RSBN1L: variants seen among roughly 807,000 people sequenced by gnomAD.
RSBN1L encodes the protein lysine-specific demethylase RSBN1L.
A neutral mutation model predicts 67.7 loss-of-function variants in RSBN1L; 30 were observed. The observed-to-expected ratio is 0.44, with a 90% confidence interval of 0.33 to 0.60. The LOEUF (loss-of-function observed/expected upper bound fraction) is 0.60. Ranked by LOEUF, RSBN1L falls within the 20% of genes least tolerant of loss-of-function variation. The pLI, the probability that RSBN1L is intolerant of heterozygous loss-of-function variation, is 0.02. For synonymous variants in RSBN1L, 433 were observed against 387.0 expected (o/e 1.12, Z -1.39); for missense variants, 992 against 1,031.7 (o/e 0.96, Z 0.53).
intron 3 of RSBN1L, among the ~76,000 whole-genome samples, chr7:77,754,052 G>A (rs1791587648): frequency 6.6e-6 from 1 of 152,116 alleles, no homozygotes; most frequent in South Asian, 2.1e-4. Flanking sequence ...TTGATTGATT[G>A]ATAGATACAG....
At chr7:77,697,631 C>CCTA (rs1790757780) in intron 1 of RSBN1L, among the ~76,000 whole-genome samples, 1 of 152,086 alleles carries the variant, frequency 6.6e-6, no homozygotes, top group East Asian at 1.9e-4. Flanking sequence ...CTCCCTGCAC[C>CCTA]CTACTCTCCG....
At chr7:77,770,740 T>G (rs982998050) in intron 5 of RSBN1L, among the ~76,000 whole-genome samples, 4 of 152,208 alleles carry the variant, frequency 2.6e-5, no homozygotes, top group Non-Finnish European at 4.4e-5. Context: ...TGGATGGATA[T>G]TCATGACATT....
intron 4 of RSBN1L, among the ~76,000 whole-genome samples, chr7:77,767,030 C>CCCTTT (rs1331336852): frequency 1.4e-5 from 2 of 142,334 alleles, no homozygotes; most frequent in Admixed American, 1.4e-4. Flanking sequence ...CCTTCCCCTT[C>CCCTTT]CCTTTCCCCT....
At chr7:77,732,325 G>A (rs1296485098) in intron 1 of RSBN1L, among the ~76,000 whole-genome samples, 1 of 152,032 alleles carries the variant, frequency 6.6e-6, no homozygotes, top group African/African-American at 2.4e-5. Flanking sequence ...ATCTAGAAGT[G>A]GCTTTTTCTT....
In RSBN1L at chr7:77,769,473, T is replaced by C. The variant is rs764296430; in HGVS notation, c.1625+670T>C. Among the ~76,000 whole-genome samples the C allele has an allele frequency of 6.6e-5, 10 of 152,282 alleles. No individual in the cohort carries two copies. In the South Asian group the frequency reaches 8.3e-4, roughly 13 times the overall value. On this transcript the variant is annotated intron_variant, in intron 5 of 7. Transcript: ENST00000334955. ...TAAAAACAAAGGCAGAGCCCCTACC[T>C]CATACAAGAAGTAAATTAGAGAATT... is the stretch of plus-strand genomic sequence containing the variant.
chr7:77,724,375 A>G (rs544307230), intron 1 of RSBN1L, among the ~76,000 whole-genome samples: 1 of 151,910 alleles, frequency 6.6e-6, no homozygotes, highest in East Asian at 1.9e-4. Flanking sequence ...GAGTTAGGCT[A>G]CCAACTTGAT....
intron 6 of RSBN1L, among the ~76,000 whole-genome samples, chr7:77,777,793 GT>G (rs1471703707): frequency 6.6e-6 from 1 of 151,952 alleles, no homozygotes; most frequent in Non-Finnish European, 1.5e-5. Flanking sequence ...GAATTTGAGA[GT>G]TTTTTAGAAT....
intron 1 of RSBN1L, among the ~76,000 whole-genome samples, chr7:77,715,774 T>G (rs1369467282): frequency 6.6e-6 from 1 of 152,222 alleles, no homozygotes; most frequent in African/African-American, 2.4e-5. Context: ...AACTTGATAT[T>G]GCCAGTTTAA....
chr7:77,775,470 A>G (rs576062225), intron 6 of RSBN1L, among the ~76,000 whole-genome samples: 1 of 152,162 alleles, frequency 6.6e-6, no homozygotes, highest in Non-Finnish European at 1.5e-5. Context: ...TGGAGGTTGC[A>G]GTGAGCCGAG....
At chr7:77,726,687 G>A (rs775243125) in intron 1 of RSBN1L, among the ~76,000 whole-genome samples, 1 of 151,494 alleles carries the variant, frequency 6.6e-6, no homozygotes, top group Non-Finnish European at 1.5e-5. Flanking sequence ...TAGGTTCACC[G>A]CAACTTCTGC....
intron 1 of RSBN1L, among the ~76,000 whole-genome samples, chr7:77,709,276 G>A (rs1309015658): frequency 6.6e-6 from 1 of 151,774 alleles, no homozygotes; most frequent in Non-Finnish European, 1.5e-5. Context: ...GTGGCAGATA[G>A]CAGTAGTTAT....
At chr7:77,722,487 T>C (rs556658841) in intron 1 of RSBN1L, among the ~76,000 whole-genome samples, 4 of 152,294 alleles carry the variant, frequency 2.6e-5, no homozygotes, top group Admixed American at 2.6e-4. Context: ...AAAAAAGGGC[T>C]GAGAAGCCAC....
At chr7:77,719,157 C>G (rs1385931724) in intron 1 of RSBN1L, among the ~76,000 whole-genome samples, 8 of 152,158 alleles carry the variant, frequency 5.3e-5, no homozygotes, top group Admixed American at 5.2e-4. Flanking sequence ...CATTAGGGCA[C>G]ATAATGTATG....
chr7:77,778,884 A>G lies in RSBN1L; in HGVS notation c.2257A>G (p.Lys753Glu). The change falls in exon 8 of 8, where the codon AAA (lysine) becomes GAA (glutamate). Residue 753 changes from lysine (K) to glutamate (E), a missense_variant. Physicochemically the swap from Lys to Glu is moderately conservative, Grantham distance 56 (BLOSUM62 1). Coordinates refer to ENST00000334955, the MANE Select transcript of RSBN1L (RefSeq NM_198467.3). ...TTCTAAATATGAATTACAGCAGATT[A>G]AACATGAACCTATTGCATCTGTAAG... ...LHSKYELQQIKHEPIASVRIK... is the reference protein window; with the variant it reads ...LHSKYELQQIEHEPIASVRIK... 6.2e-7 allele frequency: 1 copy of G among 1,614,042 alleles called. No homozygotes were observed. Among genetic ancestry groups the G allele is most frequent in the East Asian group, 2.2e-5 (1 of 44,870 alleles).
chr7:77,716,798 T>G (rs892082745), intron 1 of RSBN1L, among the ~76,000 whole-genome samples: 1 of 151,644 alleles, frequency 6.6e-6, no homozygotes, highest in East Asian at 1.9e-4. Context: ...CGCCAGGCTA[T>G]TTTTTGTATT....
chr7:77,749,704 A>G lies in RSBN1L; in HGVS notation c.984A>G (p.Leu328=). The change falls in exon 3 of 8, where the codon TTA becomes TTG. Residue 328 remains leucine, a synonymous_variant. Transcript: ENST00000334955. ...ACAGTGAGTTTCCATTTGTCTCATT[A>G]AAGGAGCCACGAGTTCAGAATAACC... ...PENSEFPFVS[L]KEPRVQNNLK... 6.2e-7 allele frequency: 1 copy of G among 1,614,194 alleles called. No homozygotes were observed. The highest frequency in any genetic ancestry group is 8.5e-7 in the Non-Finnish European group (1 of 1,180,026).
intron 3 of RSBN1L, among the ~76,000 whole-genome samples, chr7:77,752,422 G>C (rs915814082): frequency 6.8e-6 from 1 of 147,780 alleles, no homozygotes; most frequent in Non-Finnish European, 1.5e-5. Context: ...TCTTATTCCT[G>C]TGAGTGGGGA....
chr7:77,780,642 A>G lies in RSBN1L; in HGVS notation c.*1474A>G, dbSNP rs1165828033. On this transcript the variant is annotated 3_prime_UTR_variant, in exon 8 of 8. Coordinates refer to ENST00000334955, the MANE Select transcript of RSBN1L (RefSeq NM_198467.3). ...AAATAAGGGCAATGACAATGACTCAACTGCCATATAGAGATATAATTAACA... is the reference window on the plus strand; with the variant it reads ...AAATAAGGGCAATGACAATGACTCAGCTGCCATATAGAGATATAATTAACA... The G allele has an allele frequency of 2.6e-5, 4 of 152,234 alleles. No individual in the cohort carries two copies. Among genetic ancestry groups the G allele is most frequent in the South Asian group, 2.1e-4 (1 of 4,832 alleles). The allele number at this position is 152,234 out of a possible 1,614,324, so 9.4% of individuals were successfully genotyped here.
rs557770617 is a variant in RSBN1L at position 77,755,987 on chromosome 7, A to G, written c.1344+5923A>G. ...TTTGTAATTCAGTAACTATCCTTCA[A>G]TTCCCTTTTCTGCCTTTTATATTCT... On this transcript the variant is annotated intron_variant, in intron 3 of 7. Coordinates refer to ENST00000334955, the MANE Select transcript of RSBN1L (RefSeq NM_198467.3). Among the ~76,000 whole-genome samples the G allele has an allele frequency of 1.1e-4, 16 of 152,284 alleles. No individual in the cohort carries two copies. The South Asian group carries it at 2.7e-3, about 26-fold the overall frequency.
Sources: allele counts gnomAD v4.1 joint callset (sites outside exome capture counted in the v4.1 genomes callset), GRCh38; gene constraint gnomAD v4.1.1; transcripts MANE v1.5; gene names NCBI Gene and HGNC (gene_info 2026-07-23, HGNC 2026-07-21).